Variants in SMTN observed in about 807,000 individuals in gnomAD.
SMTN encodes smoothelin.
SMTN carries 58 observed loss-of-function variants against 102.0 expected under a neutral mutation model. The observed-to-expected ratio is 0.57, with a 90% CI of 0.46 to 0.71. The LOEUF is 0.71. Among genes scored for constraint, SMTN ranks in the 30% least tolerant of loss-of-function variants. The probability of loss-of-function intolerance (pLI) is 0.00; values close to 1 mark genes in which losing one functional copy is unlikely to be tolerated. For synonymous variants in SMTN, 478 were observed against 497.9 expected (o/e 0.96, Z 0.53); for missense variants, 1,185 against 1,241.7 (o/e 0.95, Z 0.69).
intron 1 of SMTN, among the ~76,000 whole-genome samples, chr22:31,073,950 C>G (rs1447481153): frequency 6.6e-6 from 1 of 152,188 alleles, no homozygotes; most frequent in Non-Finnish European, 1.5e-5. Context: ...CCAGTGGTCT[C>G]TTAGGCAGGA....
intron 13 of SMTN, 29 bp from the exon 14 acceptor site, chr22:31,096,704 T>G (rs2043606795): frequency 2.7e-6 from 4 of 1,507,428 alleles, no homozygotes; most frequent in African/African-American, 2.8e-5. Flanking sequence ...GTGGCCCTTT[T>G]GCGCATGCAT....
At chr22:31,104,189 C>A in intron 20 of SMTN, 127 bp from the exon 21 acceptor site, 1 of 1,135,098 alleles carries the variant, frequency 8.8e-7, no homozygotes, top group Non-Finnish European at 1.2e-6. Flanking sequence ...TCCTGGAAGG[C>A]TTTTCCCTGT....
chr22:31,098,584 C>A, intron 16 of SMTN, 83 bp from the exon 17 acceptor site: 1 of 1,408,366 alleles, frequency 7.1e-7, no homozygotes, highest in South Asian at 1.3e-5. Flanking sequence ...GCTACAAGAC[C>A]CCCCCTCCTC....
rs186264655 is a variant in SMTN, at chr22:31,090,969, C to G, written c.946C>G (p.Pro316Ala). 1 of 1,613,106 alleles carries G rather than the reference C, an allele frequency of 6.2e-7. No individual in the cohort carries two copies. The highest frequency in any genetic ancestry group is 8.5e-7 in the Non-Finnish European group (1 of 1,179,446). Reference sequence around the variant, plus strand: ...CCTCCTGTTCCTTCTAGAGTCCACCCCCCTTGCCAGCGGACCTTCCTCATT... The same window carrying G: ...CCTCCTGTTCCTTCTAGAGTCCACCGCCCTTGCCAGCGGACCTTCCTCATT... ...RQPAQNREST[P>A]LASGPSSFQR... The change falls in exon 10 of 21, where the codon CCC becomes GCC. Residue 316 changes from proline to alanine, a missense_variant. By Grantham distance (27) the Pro-to-Ala change is conservative. This residue lies in a region of SMTN where 1,096 missense variants were observed against 1,112.7 expected (regional missense o/e 0.98). Coordinates refer to ENST00000333137, the MANE Select transcript of SMTN (RefSeq NM_134269.3).
At chr22:31,103,149 G>C (rs763410596) in intron 20 of SMTN, 1 of 152,168 alleles carries the variant, frequency 6.6e-6, no homozygotes, top group Non-Finnish European at 1.5e-5. Flanking sequence ...TGAGCTGGGG[G>C]TAGGCCCAGC....
rs372154653 is a variant in SMTN, at chr22:31,098,437, C to T, written c.2160-230C>T. Among the ~76,000 whole-genome samples the T allele has an allele frequency of 1.4e-3, 217 of 150,072 alleles. 2 individuals carry two copies. The highest frequency in any genetic ancestry group is 5.2e-3 in the African/African-American group (210 of 40,564). ...CAATGAGGCTTCTCAGAGAACTACT[C>T]GTGGGTGGGGGAGGGGGAGGCGGAA... On this transcript the variant is annotated intron_variant, in intron 16 of 20. Transcript: ENST00000333137.
rs779784916 is a variant in SMTN, at chr22:31,088,510, C to A, written c.201-3C>A. The A allele has an allele frequency of 1.9e-6, 3 of 1,612,790 alleles. No homozygotes were observed. Among genetic ancestry groups the A allele is most frequent in the Non-Finnish European group, 2.5e-6 (3 of 1,179,266 alleles). ...GGTGGTTACAGTCATGATGTCTCTGCAGCTCTCAGCAGCGGGAAGCTGAGC... is the reference window on the plus strand; with the variant it reads ...GGTGGTTACAGTCATGATGTCTCTGAAGCTCTCAGCAGCGGGAAGCTGAGC... On this transcript the variant is annotated splice_region_variant and splice_polypyrimidine_tract_variant and intron_variant, in intron 3 of 20. Transcript: ENST00000333137.
At chr22:31,082,624 G>A (rs912260085) in intron 1 of SMTN, 3 of 599,326 alleles carry the variant, frequency 5.0e-6, no homozygotes, top group Non-Finnish European at 9.6e-6. Flanking sequence ...TGGACACCTG[G>A]CTTCAGGAGG....
At chr22:31,070,993 A>G (rs528299641) in intron 1 of SMTN, among the ~76,000 whole-genome samples, 4 of 151,944 alleles carry the variant, frequency 2.6e-5, no homozygotes, top group African/African-American at 9.6e-5. Flanking sequence ...TGTAATCCCA[A>G]TACTTTGGGA....
At chr22:31,099,229 C>G in intron 18 of SMTN, 50 bp downstream of exon 18, 1 of 1,180,368 alleles carries the variant, frequency 8.5e-7, no homozygotes, top group Non-Finnish European at 1.3e-6. Context: ...GACCCCAGCT[C>G]AACACCTCCT....
At chr22:31,077,206 G>A (rs2899160), upstream of SMTN, among the ~76,000 whole-genome samples, 10 of 152,178 alleles carry the variant, frequency 6.6e-5, no homozygotes, top group Admixed American at 3.3e-4. Context: ...CCAGGAGTTC[G>A]AGACTAGCCC....
intron 2 of SMTN, chr22:31,084,899 C>A: frequency 8.0e-7 from 1 of 1,249,362 alleles, no homozygotes; most frequent in Non-Finnish European, 1.0e-6. Context: ...CCCCGCTGGC[C>A]TCGTGGCAAG....
Position 31,084,873 on chromosome 22 carries a change from C to G in SMTN, c.51+1564C>G, listed in dbSNP as rs539948707. On this transcript the variant is annotated intron_variant, in intron 2 of 20. Coordinates refer to ENST00000333137, the MANE Select transcript of SMTN (RefSeq NM_134269.3). ...CCCGGCGCCCGCCATTACTGCGCCC[C>G]GCGCGCCGGCCCGGCCCCCGCTGGC... The G allele has an allele frequency of 3.5e-4, 363 of 1,044,512 alleles. 6 individuals are homozygous for G. In the South Asian group the frequency reaches 7.6e-3, roughly 22 times the overall value. 64.7% of individuals were successfully genotyped at this position (1,044,512 alleles called of 1,614,324 possible).
In SMTN at chr22:31,095,573, C is replaced by T. The variant is rs376066622; in HGVS notation, c.1825C>T (p.Arg609Trp). ...STDFEERKLI[R>W]AALRELRQRK... Reference sequence around the variant, plus strand: ...GGACTTTGAAGAGCGGAAGCTCATCCGGGCTGCACTTCGTGAGCTCCGACA... The same window carrying T: ...GGACTTTGAAGAGCGGAAGCTCATCTGGGCTGCACTTCGTGAGCTCCGACA... Residue 609 changes from arginine to tryptophan, a missense_variant, in exon 13 of 21, where the codon CGG (arginine) becomes TGG (tryptophan). By Grantham distance (101) the Arg-to-Trp change is moderately radical. This residue lies in a region of SMTN where 1,096 missense variants were observed against 1,112.7 expected (regional missense o/e 0.98). Transcript: ENST00000333137. This position sits in a 1 kb window ranked among gnomAD's most constrained non-coding sequence, Gnocchi z 4.1. 3.3e-5 allele frequency: 54 copies of T among 1,613,840 alleles called. No individual in the cohort carries two copies. Among genetic ancestry groups the T allele is most frequent in the Middle Eastern group, 1.6e-4 (1 of 6,080 alleles).
At chr22:31,075,797 A>G (rs1376599627) in intron 1 of SMTN, among the ~76,000 whole-genome samples, 1 of 151,992 alleles carries the variant, frequency 6.6e-6, no homozygotes, top group African/African-American at 2.4e-5. Flanking sequence ...CTTCATAAGC[A>G]GTTGCTATTT....
intron 2 of SMTN, chr22:31,085,386 C>G: frequency 8.5e-7 from 1 of 1,172,154 alleles, no homozygotes; most frequent in Non-Finnish European, 1.2e-6. Flanking sequence ...CCACCGCCGG[C>G]GGGACCCCCA....
intron 11 of SMTN, chr22:31,093,630 G>T: frequency 1.3e-6 from 1 of 770,000 alleles, no homozygotes; most frequent in Non-Finnish European, 2.4e-6. Context: ...TGCGGGCAGA[G>T]AGAGCAGCAC....
intron 20 of SMTN, chr22:31,104,102 C>G (rs1463739900): frequency 1.5e-5 from 9 of 580,918 alleles, no homozygotes; most frequent in South Asian, 4.4e-5. Flanking sequence ...ATCTCCGCCT[C>G]CACCTGCCTA....
chr22:31,084,861 A>G lies in SMTN; in HGVS notation c.51+1552A>G, dbSNP rs1362012388. On this transcript the variant is annotated intron_variant, in intron 2 of 20. Transcript: ENST00000333137. ...GCTCCTCCAGCACCCGGCGCCCGCC[A>G]TTACTGCGCCCCGCGCGCCGGCCCG... 3.4e-6 allele frequency: 3 copies of G among 884,378 alleles called. No homozygotes were observed. The African/African-American group carries it at 5.3e-5, about 16-fold the overall frequency. The allele number at this position is 884,378 out of a possible 1,614,324, so 54.8% of individuals were successfully genotyped here. A position where few individuals can be genotyped will look rare whatever the true frequency, so the allele number is the denominator to read the frequency against.
Sources: allele counts gnomAD v4.1 joint callset (sites outside exome capture counted in the v4.1 genomes callset), GRCh38; gene constraint gnomAD v4.1.1; regional missense constraint gnomAD v4.1.1; non-coding constraint Gnocchi (gnomAD v3.1); transcripts MANE v1.5; gene names NCBI Gene and HGNC (gene_info 2026-07-23, HGNC 2026-07-21).